Variants in ADAMTS2 observed in about 807,000 individuals in gnomAD.
ADAMTS2 encodes the protein ADAM metallopeptidase with thrombospondin type 1 motif 2.
ADAMTS2 carries 50 observed loss-of-function variants against 123.0 expected under a neutral mutation model. That is an observed-to-expected ratio of 0.41 (90% CI 0.32 to 0.51). ADAMTS2 has a LOEUF of 0.51. Among genes scored for constraint, ADAMTS2 ranks in the 20% least tolerant of loss-of-function variants. ADAMTS2 has a pLI of 0.35. For synonymous variants in ADAMTS2, 678 were observed against 695.4 expected (o/e 0.98, Z 0.39); for missense variants, 1,494 against 1,705.2 (o/e 0.88, Z 2.18).
At chr5:179,144,942 A>G (rs1763228116) in intron 10 of ADAMTS2, among the ~76,000 whole-genome samples, 1 of 152,266 alleles carries the variant, frequency 6.6e-6, no homozygotes, top group Non-Finnish European at 1.5e-5. Flanking sequence ...AAGTGAAAAG[A>G]CAACCCACAG....
intron 18 of ADAMTS2, among the ~76,000 whole-genome samples, chr5:179,125,736 G>T (rs1762843417): frequency 6.6e-6 from 1 of 152,246 alleles, no homozygotes; most frequent in African/African-American, 2.4e-5. Flanking sequence ...CAGGAGGCGA[G>T]CCCTGCGCCT....
chr5:179,315,664 G>A (rs1014862490), intron 2 of ADAMTS2, among the ~76,000 whole-genome samples: 1 of 152,242 alleles, frequency 6.6e-6, no homozygotes, highest in Non-Finnish European at 1.5e-5. Flanking sequence ...GAGGAAAACT[G>A]AAACAACGAT....
In ADAMTS2 at chr5:179,345,049, GTTGGCCAAC is replaced by G; in HGVS notation, c.139+132_139+140del. The stretch of plus-strand genomic sequence containing the variant: ...CCTGCGCGACCAACCCGGCCCCGAA[GTTGGCCAAC>G]TTGGCCCCGGGCGGGGCGCGCGGAG... On this transcript the variant is annotated intron_variant, in intron 1 of 21. Coordinates refer to ENST00000251582, the MANE Select transcript of ADAMTS2 (RefSeq NM_014244.5). This position sits in a 1 kb window ranked among gnomAD's most constrained non-coding sequence, Gnocchi z 7.5. The G allele has an allele frequency of 1.7e-6, 1 of 605,870 alleles. No individual in the cohort carries two copies. The highest frequency in any genetic ancestry group is 7.1e-5 in the South Asian group (1 of 14,102). 37.5% of individuals were successfully genotyped at this position (605,870 alleles called of 1,614,324 possible).
At chr5:179,220,212 C>T (rs887640188) in intron 3 of ADAMTS2, among the ~76,000 whole-genome samples, 3 of 152,130 alleles carry the variant, frequency 2.0e-5, no homozygotes, top group Admixed American at 6.5e-5. Flanking sequence ...CAGAACAAAA[C>T]GAAGATCCCC....
Position 179,262,116 on chromosome 5 carries a change from G to C in ADAMTS2, c.688+10795C>G, listed in dbSNP as rs748762797. Among the ~76,000 whole-genome samples, 3 of 152,094 alleles carry C rather than the reference G, an allele frequency of 2.0e-5. No individual in the cohort carries two copies. ...AGGGCAGTGCAGAGCAGTGGAAGCG[G>C]GCAGCTGTGGAGTCAGAGTGATGGG... is the stretch of plus-strand genomic sequence containing the variant. On this transcript the variant is annotated intron_variant, in intron 3 of 21. Transcript: ENST00000251582. This position sits in a 1 kb window ranked among gnomAD's most constrained non-coding sequence, Gnocchi z 5.9.
At chr5:179,269,746 C>A (rs1397028304) in intron 3 of ADAMTS2, among the ~76,000 whole-genome samples, 1 of 152,198 alleles carries the variant, frequency 6.6e-6, no homozygotes, top group Non-Finnish European at 1.5e-5. Flanking sequence ...GAGGACAATG[C>A]CACAGGGTGC....
intron 3 of ADAMTS2, among the ~76,000 whole-genome samples, chr5:179,208,153 C>A (rs1472458926): frequency 6.6e-6 from 1 of 150,644 alleles, no homozygotes; most frequent in Admixed American, 6.6e-5. Flanking sequence ...ACCCCTTGCC[C>A]ACACTGCCCG....
intron 9 of ADAMTS2, among the ~76,000 whole-genome samples, chr5:179,152,949 C>T (rs1763389378): frequency 6.6e-6 from 1 of 152,176 alleles, no homozygotes. Flanking sequence ...GACTACTTTG[C>T]TTCTTTCCTT....
chr5:179,183,954 T>A (rs1764107399), intron 4 of ADAMTS2, among the ~76,000 whole-genome samples: 1 of 152,168 alleles, frequency 6.6e-6, no homozygotes, highest in African/African-American at 2.4e-5. Context: ...AAGGCGGCTG[T>A]CTGCAAACCA....
chr5:179,254,973 G>A (rs1406593273), intron 3 of ADAMTS2, among the ~76,000 whole-genome samples: 1 of 152,084 alleles, frequency 6.6e-6, no homozygotes, highest in Non-Finnish European at 1.5e-5. Context: ...GTGGATGAAT[G>A]AGTGTGTAGA....
At chr5:179,334,139 G>A (rs1757548447) in intron 2 of ADAMTS2, among the ~76,000 whole-genome samples, 2 of 152,146 alleles carry the variant, frequency 1.3e-5, no homozygotes, top group Non-Finnish European at 2.9e-5. Flanking sequence ...GATGAAAGTG[G>A]AAATGCCCCC....
At chr5:179,123,423 G>GTTTTT (rs1561766703) in intron 19 of ADAMTS2, among the ~76,000 whole-genome samples, 1 of 152,094 alleles carries the variant, frequency 6.6e-6, no homozygotes, top group African/African-American at 2.4e-5. Flanking sequence ...GTTTTGTTTT[G>GTTTTT]TTTCTTTTGT....
At chr5:179,193,389 G>A (rs1168640320) in intron 4 of ADAMTS2, among the ~76,000 whole-genome samples, 1 of 152,218 alleles carries the variant, frequency 6.6e-6, no homozygotes, top group Non-Finnish European at 1.5e-5. Flanking sequence ...CGCTGTGCCA[G>A]TGAGGAAGCC....
At chr5:179,209,582 G>C in intron 3 of ADAMTS2, among the ~76,000 whole-genome samples, 1 of 120,162 alleles carries the variant, frequency 8.3e-6, no homozygotes, top group South Asian at 2.9e-4. Flanking sequence ...GCACACACAT[G>C]TACACACACA....
intron 15 of ADAMTS2, among the ~76,000 whole-genome samples, chr5:179,131,306 CAAAAAAAAA>C (rs553125844): frequency 4.4e-5 from 1 of 22,660 alleles, no homozygotes; most frequent in Admixed American, 4.1e-4. Flanking sequence ...GAGCGAGACT[CAAAAAAAAA>C]AAAAAAAAAA....
rs962040352 is a variant in ADAMTS2, at chr5:179,202,556, C to T, written c.891+4957G>A. Reference sequence around the variant, plus strand: ...CCCAGAATGCAAGGTAGCAGGGTTACGTCCTGTCATGCTCACAGCTGCACC... The same window carrying T: ...CCCAGAATGCAAGGTAGCAGGGTTATGTCCTGTCATGCTCACAGCTGCACC... On this transcript the variant is annotated intron_variant, in intron 4 of 21. Transcript: ENST00000251582. The surrounding 1 kb of genome is among the most constrained non-coding windows in gnomAD (Gnocchi z 4.0). Among the ~76,000 whole-genome samples the T allele has an allele frequency of 6.6e-6, 1 of 152,168 alleles. No individual in the cohort carries two copies. The highest frequency in any genetic ancestry group is 2.4e-5 in the African/African-American group (1 of 41,446).
Position 179,345,329 on chromosome 5 carries a change from G to C in ADAMTS2, c.-1C>G, listed in dbSNP as rs1425582715. The C allele has an allele frequency of 1.8e-6, 2 of 1,134,510 alleles. No individual in the cohort carries two copies. Among genetic ancestry groups the C allele is most frequent in the Non-Finnish European group, 2.2e-6 (2 of 926,034 alleles). 70.3% of individuals were successfully genotyped at this position (1,134,510 alleles called of 1,614,324 possible). ...GAGCGGCTCCCGCCGGCGGATCCAT[G>C]GCAGCCGGACTGCAGCCGGGGCCCC... On this transcript the variant is annotated 5_prime_UTR_variant, in exon 1 of 22. Coordinates refer to ENST00000251582, the MANE Select transcript of ADAMTS2 (RefSeq NM_014244.5). The surrounding 1 kb of genome is among the most constrained non-coding windows in gnomAD (Gnocchi z 7.5).
intron 4 of ADAMTS2, among the ~76,000 whole-genome samples, chr5:179,193,293 C>G (rs565612753): frequency 7.9e-5 from 12 of 152,210 alleles, no homozygotes; most frequent in African/African-American, 2.9e-4. Context: ...CCTCGCTGGT[C>G]GGCTCTGATC....
chr5:179,157,151 T>C (rs1763488492), intron 6 of ADAMTS2, among the ~76,000 whole-genome samples: 1 of 151,964 alleles, frequency 6.6e-6, no homozygotes. Context: ...TTAGTAGAGA[T>C]GTTGGCCAGG....
Sources: allele counts gnomAD v4.1 joint callset (sites outside exome capture counted in the v4.1 genomes callset), GRCh38; gene constraint gnomAD v4.1.1; non-coding constraint Gnocchi (gnomAD v3.1); transcripts MANE v1.5; gene names NCBI Gene and HGNC (gene_info 2026-07-23, HGNC 2026-07-21).